Variants in SLK observed in about 807,000 individuals in gnomAD.
SLK encodes STE20 like kinase, also known as STE20-like serine/threonine-protein kinase.
A neutral mutation model predicts 147.7 loss-of-function variants in SLK; 67 were observed. That is an observed-to-expected ratio of 0.45 (90% confidence interval 0.37 to 0.56). The LOEUF is 0.56. Ranked by LOEUF, SLK falls within the 20% of genes least tolerant of loss-of-function variation. The probability of loss-of-function intolerance (pLI) is 0.00; values close to 1 mark genes in which losing one functional copy is unlikely to be tolerated. For missense variants in SLK, 1,136 were observed against 1,438.8 expected (o/e 0.79, Z 3.41); for synonymous variants, 441 against 475.0 (o/e 0.93, Z 0.93).
chr10:103,999,672 TTACA>T (rs757897919), intron 6 of SLK, among the ~76,000 whole-genome samples, 191 bp from the exon 7 acceptor site: 27 of 152,198 alleles, frequency 1.8e-4, no homozygotes, highest in Non-Finnish European at 3.4e-4. Flanking sequence ...ATGTACCTAC[TTACA>T]TATATGTCTA....
At chr10:104,007,794 A>G (rs1376500564) in intron 11 of SLK, among the ~76,000 whole-genome samples, 1 of 151,614 alleles carries the variant, frequency 6.6e-6, no homozygotes, top group Admixed American at 6.6e-5. Flanking sequence ...TAAATAAATA[A>G]ATAAAAAGAT....
At chr10:104,013,703 C>T (rs532237940) in intron 13 of SLK, among the ~76,000 whole-genome samples, 5 of 152,216 alleles carry the variant, frequency 3.3e-5, no homozygotes, top group Non-Finnish European at 7.3e-5. Context: ...AAATGCAGGA[C>T]GTAAGTCCCA....
intron 1 of SLK, among the ~76,000 whole-genome samples, chr10:103,979,259 C>T (rs954017868): frequency 4.6e-5 from 7 of 152,196 alleles, no homozygotes; most frequent in Non-Finnish European, 8.8e-5. Context: ...TTAAGCTATC[C>T]GCCTGCCTTG....
rs1464108863 is a variant in SLK, at chr10:104,003,237, C to G, written c.2059C>G (p.Pro687Ala). 25 of 1,612,174 alleles carry G rather than the reference C, an allele frequency of 1.6e-5. No individual in the cohort carries two copies. Among genetic ancestry groups the G allele is most frequent in the Non-Finnish European group, 2.1e-5 (25 of 1,179,562 alleles). The change falls in exon 9 of 19, where the codon CCA (proline) becomes GCA (alanine). Residue 687 changes from proline (P) to alanine (A), a missense_variant. Physicochemically the swap from Pro to Ala is conservative, Grantham distance 27. Coordinates refer to ENST00000369755, the MANE Select transcript of SLK (RefSeq NM_014720.4). ...GATAGATAAAGAGAAAAAAGAAATT[C>G]CAGTGTCAATTAAAAAAGAGCCTGA... ...TQIDKEKKEI[P>A]VSIKKEPEVT... is the part of the protein sequence containing the mutation.
intron 13 of SLK, among the ~76,000 whole-genome samples, chr10:104,017,484 T>G (rs1239070970): frequency 6.6e-6 from 1 of 152,162 alleles, no homozygotes; most frequent in Non-Finnish European, 1.5e-5. Context: ...TAGAGGGCCT[T>G]TCTTTTTTAT....
chr10:103,984,633 C>T (rs1005604677), intron 1 of SLK, among the ~76,000 whole-genome samples: 6 of 152,160 alleles, frequency 3.9e-5, no homozygotes, highest in African/African-American at 9.7e-5. Context: ...ATGCTGGTCT[C>T]GAACTCTTGG....
At chr10:103,972,955 A>G (rs1843814130) in intron 1 of SLK, among the ~76,000 whole-genome samples, 1 of 152,098 alleles carries the variant, frequency 6.6e-6, no homozygotes, top group Admixed American at 6.5e-5. Flanking sequence ...TGCTGGTGAT[A>G]GTTATTGCTA....
intron 4 of SLK, among the ~76,000 whole-genome samples, chr10:103,997,322 C>T (rs1434590922): frequency 6.6e-6 from 1 of 152,166 alleles, no homozygotes; most frequent in Admixed American, 6.5e-5. Context: ...TCCGTTCATC[C>T]ATCAGTGGGC....
At chr10:103,984,339 T>C (rs1843985383) in intron 1 of SLK, among the ~76,000 whole-genome samples, 2 of 152,234 alleles carry the variant, frequency 1.3e-5, no homozygotes. Context: ...AAATATCACC[T>C]CGGTTAGACC....
chr10:103,976,091 C>T (rs1243487338), intron 1 of SLK, among the ~76,000 whole-genome samples: 5 of 151,946 alleles, frequency 3.3e-5, no homozygotes, highest in Admixed American at 6.6e-5. Flanking sequence ...TTTGTAGAGA[C>T]GGGATTTTGC....
chr10:104,010,872 C>T lies in SLK; in HGVS notation c.2841C>T (p.Arg947=). 2 of 1,599,190 alleles carry T rather than the reference C, an allele frequency of 1.3e-6. No individual in the cohort carries two copies. The highest frequency in any genetic ancestry group is 1.1e-5 in the South Asian group (1 of 88,348). Residue 947 remains arginine, a synonymous_variant, in exon 13 of 19, where the codon CGC becomes CGT. Coordinates refer to ENST00000369755, the MANE Select transcript of SLK (RefSeq NM_014720.4). ...PKELRKELMK[R]RKEELAQSQH... is the part of the protein sequence containing the mutation. ...AGCTGAGAAAAGAGCTCATGAAACG[C>T]AGGAAAGAGGAGCTTGCACAAAGCC...
Position 104,008,304 on chromosome 10 carries a change from A to G in SLK, c.2732A>G (p.Gln911Arg), listed in dbSNP as rs926619518. 3 of 1,613,868 alleles carry G rather than the reference A, an allele frequency of 1.9e-6. No homozygotes were observed. Among genetic ancestry groups the G allele is most frequent in the Non-Finnish European group, 2.5e-6 (3 of 1,179,874 alleles). Residue 911 changes from glutamine to arginine, a missense_variant, in exon 12 of 19, where the codon CAA (glutamine) becomes CGA (arginine). Physicochemically the swap from Gln to Arg is conservative, Grantham distance 43. Coordinates refer to ENST00000369755, the MANE Select transcript of SLK (RefSeq NM_014720.4). ...GAAGCCAAACGCATCAAAGGAGAAC[A>G]AGAGAAAGAGTTGTCCAAATTTCAG... ...RDEAKRIKGE[Q>R]EKELSKFQNM...
intron 1 of SLK, among the ~76,000 whole-genome samples, chr10:103,981,201 G>C (rs994985996): frequency 6.6e-6 from 1 of 151,760 alleles, no homozygotes; most frequent in Non-Finnish European, 1.5e-5. Flanking sequence ...TGTTGTTGTT[G>C]TTGTTGTTGT....
At position 104,027,168 on chromosome 10, in the gene SLK, A is replaced by G. The variant is rs1844609184; in HGVS notation, c.*1448A>G. ...TGTAACTTTGTGGGAACACTGATTC[A>G]TATTTAGAAAATGTAAATGTCTGTA... On this transcript the variant is annotated 3_prime_UTR_variant, in exon 19 of 19. Coordinates refer to ENST00000369755, the MANE Select transcript of SLK (RefSeq NM_014720.4). The G allele has an allele frequency of 6.6e-6, 1 of 152,580 alleles. No individual in the cohort carries two copies. The highest frequency in any genetic ancestry group is 1.5e-5 in the Non-Finnish European group (1 of 68,030). 9.5% of individuals were successfully genotyped at this position (152,580 alleles called of 1,614,324 possible).
intron 1 of SLK, among the ~76,000 whole-genome samples, chr10:103,984,844 G>A (rs534199278): frequency 8.5e-5 from 13 of 152,204 alleles, no homozygotes; most frequent in Non-Finnish European, 1.9e-4. Context: ...TTTGCACATT[G>A]TCAGCATCTA....
At chr10:103,985,058 T>G (rs1340581570) in intron 1 of SLK, among the ~76,000 whole-genome samples, 1 of 152,242 alleles carries the variant, frequency 6.6e-6, no homozygotes, top group East Asian at 1.9e-4. Context: ...TACAGTAAGA[T>G]GTATTGAGAG....
chr10:104,003,161 C>A lies in SLK; in HGVS notation c.1983C>A (p.Asp661Glu). 6.2e-7 allele frequency: 1 copy of A among 1,613,986 alleles called. No homozygotes were observed. The highest frequency in any genetic ancestry group is 8.5e-7 in the Non-Finnish European group (1 of 1,179,994). Residue 661 changes from aspartate to glutamate, a missense_variant, in exon 9 of 19, where the codon GAC becomes GAA. By Grantham distance (45) the Asp-to-Glu change is conservative. Coordinates refer to ENST00000369755, the MANE Select transcript of SLK (RefSeq NM_014720.4). ...TCAGAAGTGTGGTGGCTGATACTGA[C>A]CAAAAGGCTTTAGGAAGTGAAGTTC... ...MEVRSVVADT[D>E]QKALGSEVQD... is the part of the protein sequence containing the mutation.
In SLK at chr10:104,003,481, C is replaced by A. The variant is rs1196239320; in HGVS notation, c.2303C>A (p.Ser768Tyr). ...AGTATTGACTTGAATTTATCCATCT[C>A]TAGCTTTCTAAGTAAAACTAAAGAC... ...TSSIDLNLSI[S>Y]SFLSKTKDSG... The change falls in exon 9 of 19, where the codon TCT (serine) becomes TAT (tyrosine). Residue 768 changes from serine to tyrosine, a missense_variant. By Grantham distance (144) the Ser-to-Tyr change is moderately radical. Around this residue, in one of 6 missense-constraint regions of SLK, gnomAD observed 516 missense variants for 531.3 expected, o/e 0.97. Coordinates refer to ENST00000369755, the MANE Select transcript of SLK (RefSeq NM_014720.4). 1.2e-6 allele frequency: 2 copies of A among 1,602,258 alleles called. No individual in the cohort carries two copies. The highest frequency in any genetic ancestry group is 3.5e-5 in the Admixed American group (2 of 57,196).
Position 104,013,042 on chromosome 10 carries a change from A to T in SLK, c.2877+2134A>T, listed in dbSNP as rs1844419118. ...GCCAGTATTTTCTGAGTAGAGCTGA[A>T]AGTAATCATAAATTCCTTCAGTAAA... is the stretch of plus-strand genomic sequence containing the variant. On this transcript the variant is annotated intron_variant, in intron 13 of 18. Transcript: ENST00000369755. Among the ~76,000 whole-genome samples, 5 of 152,348 alleles carry T rather than the reference A, an allele frequency of 3.3e-5. No individual in the cohort carries two copies. The South Asian group carries it at 1.0e-3, about 32-fold the overall frequency.
Sources: gnomAD v4.1 joint callset for allele counts (sites outside exome capture counted in the v4.1 genomes callset) on GRCh38, gnomAD v4.1.1 for gene constraint, gnomAD v4.1.1 regional missense constraint, MANE v1.5 for transcripts, NCBI Gene and HGNC (gene_info 2026-07-23, HGNC 2026-07-21) for gene names.